Variants in SRGAP1 observed in about 807,000 individuals in gnomAD.
SRGAP1 encodes the protein SLIT-ROBO Rho GTPase-activating protein 1.
A neutral mutation model predicts 121.9 loss-of-function variants in SRGAP1; 43 were observed. The ratio of observed to expected loss-of-function variants is 0.35; its 90% CI spans 0.28 to 0.46. SRGAP1 has a LOEUF of 0.46. Among genes scored for constraint, SRGAP1 ranks in the 20% least tolerant of loss-of-function variants. SRGAP1 has a pLI of 1.00. For synonymous variants in SRGAP1, 447 were observed against 485.4 expected (o/e 0.92, Z 1.04); for missense variants, 1,102 against 1,350.9 (o/e 0.82, Z 2.89).
rs776527298 is a variant in SRGAP1 at position 64,065,156 on chromosome 12, G to C, written c.1062G>C (p.Glu354Asp). 3.1e-6 allele frequency: 5 copies of C among 1,613,680 alleles called. No individual in the cohort carries two copies. In the Admixed American group the frequency reaches 6.7e-5, roughly 22 times the overall value. Residue 354 changes from glutamate (E) to aspartate (D), a missense_variant, in exon 8 of 22, where the codon GAG becomes GAC. By Grantham distance (45) the Glu-to-Asp change is conservative. This residue lies in a region of SRGAP1 where 747 missense variants were observed against 929.4 expected (regional missense o/e 0.80). Coordinates refer to ENST00000355086, the MANE Select transcript of SRGAP1 (RefSeq NM_020762.4). ...QVSAQQPVQA[E>D]LMLRYQQLQS... Reference sequence around the variant, plus strand: ...GTGCCCAGCAGCCAGTCCAGGCAGAGCTCATGCTCAGGTACCAACAGTTGC... The same window carrying C: ...GTGCCCAGCAGCCAGTCCAGGCAGACCTCATGCTCAGGTACCAACAGTTGC...
At chr12:64,095,887 A>G (rs1226790219) in intron 14 of SRGAP1, among the ~76,000 whole-genome samples, 5 of 152,218 alleles carry the variant, frequency 3.3e-5, no homozygotes, top group African/African-American at 1.2e-4. Context: ...TGTTAGAAAC[A>G]TTCCAATTAG....
intron 2 of SRGAP1, among the ~76,000 whole-genome samples, chr12:63,985,943 C>T (rs577398672): frequency 4.5e-4 from 68 of 152,296 alleles, no homozygotes; most frequent in African/African-American, 1.6e-3. Flanking sequence ...GTTCATTTCA[C>T]ACCTCTCCAT....
chr12:63,990,103 T>C (rs375564800), intron 3 of SRGAP1, 31 bp downstream of exon 3: 130 of 1,546,076 alleles, frequency 8.4e-5, no homozygotes, highest in Non-Finnish European at 1.9e-5. Flanking sequence ...CATAGTGTGC[T>C]TTCCAATAAC....
Position 64,091,327 on chromosome 12 carries a change from C to A in SRGAP1, c.1488C>A (p.Arg496=), listed in dbSNP as rs2036047384. The A allele has an allele frequency of 6.2e-7, 1 of 1,611,828 alleles. No individual in the cohort carries two copies. Among genetic ancestry groups the A allele is most frequent in the Non-Finnish European group, 8.5e-7 (1 of 1,178,654 alleles). ...AGAAACACAGGAAGTCCAGGCCCCG[C>A]TCACAGTATAATACTAAGTTGTTTA... ...KPQKHRKSRP[R]SQYNTKLFNG... The change falls in exon 12 of 22, where the codon CGC becomes CGA. Residue 496 remains arginine, a synonymous_variant. Transcript: ENST00000355086.
chr12:64,091,916 C>G (rs1478969502), intron 12 of SRGAP1: 1 of 1,535,818 alleles, frequency 6.5e-7, no homozygotes. Context: ...AACTCGCACA[C>G]AAGACATCAG....
chr12:64,136,372 A>C (rs752034684), intron 21 of SRGAP1, among the ~76,000 whole-genome samples: 12 of 152,160 alleles, frequency 7.9e-5, no homozygotes, highest in South Asian at 4.1e-4. Context: ...GTCTCCAAAT[A>C]TATGTATGTT....
intron 1 of SRGAP1, among the ~76,000 whole-genome samples, chr12:63,880,522 C>G (rs1415226520): frequency 6.6e-6 from 1 of 152,168 alleles, no homozygotes; most frequent in Non-Finnish European, 1.5e-5. Context: ...GCGTGAGCCA[C>G]CACACCCAGC....
In SRGAP1 at chr12:64,146,581, C is replaced by T. The variant is rs1305100474; in HGVS notation, c.*3909C>T. Reference sequence around the variant, plus strand: ...TAGAGGATTCAAATTTGGGATGATGCTCATTGATTCCTGACCATAGCAGTG... The same window carrying T: ...TAGAGGATTCAAATTTGGGATGATGTTCATTGATTCCTGACCATAGCAGTG... On this transcript the variant is annotated 3_prime_UTR_variant, in exon 22 of 22. Transcript: ENST00000355086. 2 of 152,112 alleles carry T rather than the reference C, an allele frequency of 1.3e-5. No individual in the cohort carries two copies. Among genetic ancestry groups the T allele is most frequent in the African/African-American group, 4.8e-5 (2 of 41,404 alleles). The allele number at this position is 152,112 out of a possible 1,614,324, so 9.4% of individuals were successfully genotyped here. A position where few individuals can be genotyped will look rare whatever the true frequency, so the allele number is the denominator to read the frequency against.
intron 1 of SRGAP1, among the ~76,000 whole-genome samples, chr12:63,937,778 A>G (rs966131038): frequency 1.3e-5 from 2 of 152,218 alleles, no homozygotes; most frequent in African/African-American, 4.8e-5. Flanking sequence ...ATAACTAATA[A>G]AACGGGTGCA....
At chr12:63,954,450 G>A (rs923166405) in intron 1 of SRGAP1, among the ~76,000 whole-genome samples, 8 of 152,148 alleles carry the variant, frequency 5.3e-5, no homozygotes, top group African/African-American at 1.7e-4. Flanking sequence ...AGGCTGAGGC[G>A]GGTGGATCAC....
chr12:63,852,055 C>T (rs1030414503), intron 1 of SRGAP1, among the ~76,000 whole-genome samples: 5 of 152,186 alleles, frequency 3.3e-5, no homozygotes, highest in African/African-American at 7.2e-5. Context: ...GGCCCAATCT[C>T]GGCTCAGCTC....
chr12:63,883,349 T>TCCA (rs879741766), intron 1 of SRGAP1, among the ~76,000 whole-genome samples: 1,708 of 152,304 alleles, frequency 0.011, 11 homozygotes, highest in Non-Finnish European at 0.018. Context: ...AAAGGTGATT[T>TCCA]ACCTAGGTAA....
chr12:63,892,856 T>C (rs1278919551), intron 1 of SRGAP1, among the ~76,000 whole-genome samples: 1 of 152,064 alleles, frequency 6.6e-6, no homozygotes, highest in Non-Finnish European at 1.5e-5. Flanking sequence ...AGGTAGAGAC[T>C]GTAGCGCATT....
intron 1 of SRGAP1, among the ~76,000 whole-genome samples, chr12:63,965,998 T>C (rs558419360): frequency 2.0e-5 from 3 of 152,188 alleles, no homozygotes; most frequent in Non-Finnish European, 4.4e-5. Flanking sequence ...TTTTGTACTT[T>C]TAGTAGAGAC....
In SRGAP1 at chr12:63,844,974, G is replaced by C; in HGVS notation, c.67+91G>C. 7.6e-7 allele frequency: 1 copy of C among 1,317,760 alleles called. No individual in the cohort carries two copies. Among genetic ancestry groups the C allele is most frequent in the East Asian group, 2.3e-5 (1 of 43,318 alleles). The allele number at this position is 1,317,760 out of a possible 1,614,324, so 81.6% of individuals were successfully genotyped here. A position where few individuals can be genotyped will look rare whatever the true frequency, so the allele number is the denominator to read the frequency against. On this transcript the variant is annotated intron_variant, in intron 1 of 21. Transcript: ENST00000355086. This position sits in a 1 kb window ranked among gnomAD's most constrained non-coding sequence, Gnocchi z 4.3. ...CGTATCTAACTTGGTGTCTGCGTGGGAGGAAGGTGGTGAGGGGACAGCTCG... is the reference window on the plus strand; with the variant it reads ...CGTATCTAACTTGGTGTCTGCGTGGCAGGAAGGTGGTGAGGGGACAGCTCG...
At chr12:63,923,528 T>G (rs1244065005) in intron 1 of SRGAP1, among the ~76,000 whole-genome samples, 1 of 152,186 alleles carries the variant, frequency 6.6e-6, no homozygotes, top group Non-Finnish European at 1.5e-5. Flanking sequence ...CAGTACATAA[T>G]TAAGATGATA....
In SRGAP1 at chr12:64,146,885, T is replaced by TAAAAA. The variant is rs55730963; in HGVS notation, c.*4223_*4227dup. 1 of 145,114 alleles carries TAAAAA rather than the reference T, an allele frequency of 6.9e-6. No homozygotes were observed. The highest frequency in any genetic ancestry group is 2.5e-5 in the African/African-American group (1 of 39,228). 9.0% of individuals were successfully genotyped at this position (145,114 alleles called of 1,614,324 possible). ...TTTCACTTACCCTAGTATACGTTCT[T>TAAAAA]AAAAAAAAAAAAAAGTCTATGTGGT... On this transcript the variant is annotated 3_prime_UTR_variant, in exon 22 of 22. Transcript: ENST00000355086.
chr12:64,080,586 A>C (rs554836986), intron 10 of SRGAP1: 1 of 622,576 alleles, frequency 1.6e-6, no homozygotes, highest in African/African-American at 1.8e-5. Context: ...AGTGAAATCT[A>C]GGGAGGGCTG....
At chr12:64,053,078 T>C (rs903405407) in intron 6 of SRGAP1, among the ~76,000 whole-genome samples, 6 of 152,234 alleles carry the variant, frequency 3.9e-5, no homozygotes, top group African/African-American at 2.4e-5. Context: ...CTTGGAGGCA[T>C]ACAGATGAAT....
Sources: allele counts gnomAD v4.1 joint callset (sites outside exome capture counted in the v4.1 genomes callset), GRCh38; gene constraint gnomAD v4.1.1; regional missense constraint gnomAD v4.1.1; non-coding constraint Gnocchi (gnomAD v3.1); transcripts MANE v1.5; gene names NCBI Gene and HGNC (gene_info 2026-07-23, HGNC 2026-07-21).